The following CATSPERQ variants were observed in gnomAD, a reference collection of about 807,000 sequenced individuals.
The protein encoded by CATSPERQ is catsper channel auxiliary subunit theta, also known as cation channel sperm-associated auxiliary subunit theta.
the CATSPERQ span, chr8:144,354,309 C>T: frequency 4.6e-6 from 7 of 1,533,754 alleles, no homozygotes; most frequent in South Asian, 1.2e-5. This position sits in a 1 kb window ranked among gnomAD's most constrained non-coding sequence, Gnocchi z 4.6. Flanking sequence ...ACAGTGTGTC[C>T]AGGTAGTATT....
At chr8:144,353,658 CAGCACCGAAGACCGTGTTGTATTT>C in the CATSPERQ span, 9 of 1,465,982 alleles carry the variant, frequency 6.1e-6, no homozygotes, top group African/African-American at 1.4e-5. Flanking sequence ...CCACGGCCCC[CAGCACCGAAGACCGTGTTGTATTT>C]ACCCTCTGCG....
the CATSPERQ span, chr8:144,353,944 G>A: frequency 5.9e-6 from 9 of 1,530,416 alleles, no homozygotes; most frequent in East Asian, 1.7e-4. Flanking sequence ...GCACCCTCCC[G>A]GCCCGTTACC....
the CATSPERQ span, chr8:144,353,563 C>T: frequency 4.6e-6 from 7 of 1,506,432 alleles, no homozygotes; most frequent in Non-Finnish European, 6.2e-6. Context: ...GGGGCCGGGA[C>T]AGGACAGACC....
the CATSPERQ span, chr8:144,353,577 G>C: frequency 6.7e-7 from 1 of 1,495,346 alleles, no homozygotes; most frequent in East Asian, 2.5e-5. Context: ...ACAGACCCGA[G>C]TCGCCGTCCA....
At chr8:144,354,105 GCCCACGCCGTACACGAGGAAGAC>G in the CATSPERQ span, 1 of 1,535,274 alleles carries the variant, frequency 6.5e-7, no homozygotes, top group Non-Finnish European at 8.7e-7. This position sits in a 1 kb window ranked among gnomAD's most constrained non-coding sequence, Gnocchi z 4.6. Flanking sequence ...ACAGGCCCAC[GCCCACGCCGTACACGAGGAAGAC>G]CCAGGTCTCT....
the CATSPERQ span, chr8:144,354,542 G>C: frequency 1.6e-4 from 223 of 1,437,126 alleles, 1 homozygote; most frequent in African/African-American, 2.9e-3. The surrounding 1 kb of genome is among the most constrained non-coding windows in gnomAD (Gnocchi z 4.6). Context: ...TTCAGGCCTC[G>C]GGCCCGTCTC....
At chr8:144,354,344 C>G in the CATSPERQ span, 1 of 1,532,268 alleles carries the variant, frequency 6.5e-7, no homozygotes. The surrounding 1 kb of genome is among the most constrained non-coding windows in gnomAD (Gnocchi z 4.6). Context: ...GGGGGTGGCG[C>G]GGCGCGTGAG....
At chr8:144,354,407 G>C in the CATSPERQ span, 3 of 1,455,734 alleles carry the variant, frequency 2.1e-6, no homozygotes, top group Non-Finnish European at 2.8e-6. This position sits in a 1 kb window ranked among gnomAD's most constrained non-coding sequence, Gnocchi z 4.6. Context: ...GCTTGGCCCG[G>C]ACTAGCTGGG....
the CATSPERQ span, chr8:144,353,816 C>T: frequency 6.5e-7 from 1 of 1,535,542 alleles, no homozygotes. Context: ...ACCAGGGGCT[C>T]CAACCTGTGG....
chr8:144,353,795 G>C, the CATSPERQ span: 7 of 1,535,376 alleles, frequency 4.6e-6, no homozygotes, highest in African/African-American at 9.6e-5. Context: ...TGCTCCGACA[G>C]CTGCACCAGC....
At chr8:144,354,330 G>C in the CATSPERQ span, 37 of 1,533,160 alleles carry the variant, frequency 2.4e-5, no homozygotes, top group East Asian at 4.9e-5. This position sits in a 1 kb window ranked among gnomAD's most constrained non-coding sequence, Gnocchi z 4.6. Flanking sequence ...CGAGCACGAA[G>C]ACTGGGGGTG....
At chr8:144,353,295 G>A in the CATSPERQ span, 22 of 1,473,972 alleles carry the variant, frequency 1.5e-5, no homozygotes, top group Non-Finnish European at 2.0e-5. Context: ...GCCCCAGAGT[G>A]GGGCTGGGAG....
the CATSPERQ span, chr8:144,354,851 CA>C: frequency 6.7e-7 from 1 of 1,482,264 alleles, no homozygotes; most frequent in Non-Finnish European, 9.0e-7. The surrounding 1 kb of genome is among the most constrained non-coding windows in gnomAD (Gnocchi z 4.6). Flanking sequence ...CCTCGGTGAG[CA>C]AATTCTCCAG....
At chr8:144,354,373 G>A in the CATSPERQ span, 2 of 1,508,420 alleles carry the variant, frequency 1.3e-6, no homozygotes, top group East Asian at 4.9e-5. This position sits in a 1 kb window ranked among gnomAD's most constrained non-coding sequence, Gnocchi z 4.6. Context: ...GGCCCTGCCC[G>A]CAGCCGGGGG....
the CATSPERQ span, chr8:144,354,689 A>G: frequency 1.3e-6 from 2 of 1,535,406 alleles, no homozygotes; most frequent in African/African-American, 1.4e-5. The surrounding 1 kb of genome is among the most constrained non-coding windows in gnomAD (Gnocchi z 4.6). Flanking sequence ...CGCTCCGGGC[A>G]GGTGAGTCCT....
At chr8:144,354,013 C>T in the CATSPERQ span, 1 of 1,535,456 alleles carries the variant, frequency 6.5e-7, no homozygotes, top group African/African-American at 1.4e-5. This position sits in a 1 kb window ranked among gnomAD's most constrained non-coding sequence, Gnocchi z 4.6. Flanking sequence ...GCACACGGTG[C>T]GGCCCTGGAT....
chr8:144,353,857 C>T, the CATSPERQ span: 1 of 1,535,136 alleles, frequency 6.5e-7, no homozygotes, highest in South Asian at 1.2e-5. Flanking sequence ...GAAGCACCTT[C>T]CGTGGGCTGC....
At chr8:144,354,683 C>G in the CATSPERQ span, 1 of 1,535,580 alleles carries the variant, frequency 6.5e-7, no homozygotes. This position sits in a 1 kb window ranked among gnomAD's most constrained non-coding sequence, Gnocchi z 4.6. Context: ...AGGTGGCGCT[C>G]CGGGCAGGTG....
At chr8:144,353,283 C>G in the CATSPERQ span, 1 of 1,450,058 alleles carries the variant, frequency 6.9e-7, no homozygotes, top group African/African-American at 1.4e-5. Context: ...CACATTTGAT[C>G]TGCCCCAGAG....
Sources: gnomAD v4.1 joint callset for allele counts on GRCh38, gnomAD v4.1.1 for gene constraint, Gnocchi (gnomAD v3.1) non-coding constraint, MANE v1.5 for transcripts, NCBI Gene and HGNC (gene_info 2026-07-23, HGNC 2026-07-21) for gene names.